IL17REL: variants seen among roughly 807,000 people sequenced by gnomAD.
The protein encoded by IL17REL is interleukin-17 receptor E-like protein.
IL17REL carries 36 observed loss-of-function variants against 49.0 expected under a neutral mutation model. The ratio of observed to expected loss-of-function variants is 0.73; its 90% CI spans 0.56 to 0.97. IL17REL has a LOEUF of 0.97. IL17REL is among the 50% of genes least tolerant of loss of function. The probability of loss-of-function intolerance (pLI) is 0.00; values close to 1 mark genes in which losing one functional copy is unlikely to be tolerated. For missense variants in IL17REL, 470 were observed against 453.9 expected (o/e 1.04, Z -0.32); for synonymous variants, 206 against 192.4 (o/e 1.07, Z -0.58).
chr22:50,006,720 G>C (rs543551827), intron 1 of IL17REL, among the ~76,000 whole-genome samples: 1 of 152,060 alleles, frequency 6.6e-6, no homozygotes, highest in African/African-American at 2.4e-5. Flanking sequence ...TTGGGAGGCC[G>C]AGGCGGGCGG....
chr22:50,000,017 G>A (rs1320396277), intron 4 of IL17REL, 50 bp from the exon 7 acceptor site: 2 of 1,426,652 alleles, frequency 1.4e-6, no homozygotes, highest in South Asian at 2.9e-5. Flanking sequence ...GGTCACCGAC[G>A]CGGGGCTCTG....
chr22:50,008,115 A>T (rs2061119656), intron 1 of IL17REL, among the ~76,000 whole-genome samples: 2 of 152,108 alleles, frequency 1.3e-5, no homozygotes, highest in South Asian at 4.1e-4. Context: ...AAAATAAGAA[A>T]AAAAACCCCA....
At chr22:50,011,241 C>A (rs1415942842), upstream of IL17REL, among the ~76,000 whole-genome samples, 1 of 150,958 alleles carries the variant, frequency 6.6e-6, no homozygotes, top group Non-Finnish European at 1.5e-5. Context: ...CCTCTCCTCT[C>A]CCCTCCAGCA....
intron 11 of IL17REL, 105 bp downstream of exon 13, chr22:49,997,215 T>C: frequency 2.1e-6 from 3 of 1,412,298 alleles, no homozygotes; most frequent in Non-Finnish European, 2.9e-6. Flanking sequence ...AGACCCTGGG[T>C]GGGCTCAGGG....
In IL17REL at chr22:49,999,508, A is replaced by T; in HGVS notation, c.475-6T>A. 1.5e-5 allele frequency: 22 copies of T among 1,425,856 alleles called. No homozygotes were observed. The highest frequency in any genetic ancestry group is 2.0e-5 in the Non-Finnish European group (21 of 1,065,126). The allele number at this position is 1,425,856 out of a possible 1,614,324, so 88.3% of individuals were successfully genotyped here. ...GAGACGCTGTTGGCGGTCACCTGCA[A>T]CCCAGAAAGGGCGGCTGAGGGGCCG... On this transcript the variant is annotated splice_region_variant and splice_polypyrimidine_tract_variant and intron_variant, in intron 5 of 12. Coordinates refer to ENST00000341280, the Ensembl canonical transcript of IL17REL.
downstream of IL17REL, among the ~76,000 whole-genome samples, chr22:49,992,756 T>C (rs2061012447): frequency 6.6e-6 from 1 of 152,224 alleles, no homozygotes; most frequent in Non-Finnish European, 1.5e-5. Flanking sequence ...TAGCTGGGAT[T>C]ACAGGTGCCC....
At chr22:49,999,175 G>A (rs1050893708) in intron 7 of IL17REL, 116 bp downstream of exon 9, 1 of 1,270,942 alleles carries the variant, frequency 7.9e-7, no homozygotes, top group African/African-American at 1.5e-5. Context: ...AGCAGGCTCA[G>A]GGATTTAGGC....
At chr22:49,994,862 GC>G (rs1246843663) in exon 13 of IL17REL, 1 of 152,416 alleles carries the variant, frequency 6.6e-6, no homozygotes, top group Non-Finnish European at 1.5e-5. Flanking sequence ...CACTGCACAG[GC>G]CACTGCTGGG....
chr22:49,999,715 G>T (rs2061063974), intron 5 of IL17REL, 113 bp downstream of exon 7: 1 of 622,368 alleles, frequency 1.6e-6, no homozygotes, highest in Non-Finnish European at 2.1e-6. Context: ...CGGGGGCGGG[G>T]CGCGGGGGGT....
upstream of IL17REL, among the ~76,000 whole-genome samples, chr22:50,009,325 C>T (rs2061126188): frequency 6.6e-6 from 1 of 152,094 alleles, no homozygotes; most frequent in Non-Finnish European, 1.5e-5. Context: ...CAAGGGCACT[C>T]AAAGAGGGGC....
chr22:49,996,926 G>T (rs184103308), intron 12 of IL17REL, 66 bp from the exon 15 acceptor site: 6 of 756,446 alleles, frequency 7.9e-6, no homozygotes, highest in Non-Finnish European at 1.1e-5. Flanking sequence ...GGATGGGAAG[G>T]GGGGGTGTGA....
intron 1 of IL17REL, among the ~76,000 whole-genome samples, chr22:50,003,623 TATC>T (rs1353777972): frequency 4.0e-5 from 6 of 151,624 alleles, no homozygotes; most frequent in South Asian, 2.1e-4. Context: ...AAAAACCACT[TATC>T]ATCTCAATAG....
chr22:49,992,882 G>T (rs1288707369), downstream of IL17REL, among the ~76,000 whole-genome samples: 2 of 152,212 alleles, frequency 1.3e-5, no homozygotes, highest in African/African-American at 4.8e-5. Context: ...CTCCCAAAGT[G>T]CTGGGATTAC....
chr22:50,006,002 A>C (rs1481660353), intron 1 of IL17REL, among the ~76,000 whole-genome samples: 1 of 151,994 alleles, frequency 6.6e-6, no homozygotes, highest in Non-Finnish European at 1.5e-5. Context: ...GAAAATAATC[A>C]GGATGGGGGT....
intron 1 of IL17REL, among the ~76,000 whole-genome samples, chr22:50,005,020 C>T (rs137853): frequency 0.54 from 80,357 of 147,624 alleles, 22,187 homozygotes; most frequent in South Asian, 0.76. Context: ...GAAGGACTCA[C>T]GGTGAGCAAG....
At chr22:50,000,347 G>T in intron 4 of IL17REL, 107 bp from the exon 6 acceptor site, 1 of 730,172 alleles carries the variant, frequency 1.4e-6, no homozygotes, top group Non-Finnish European at 2.3e-6. Context: ...ATGCGACCTC[G>T]AATTAAGCCA....
At chr22:50,001,919 G>A (rs960657930) in intron 1 of IL17REL, among the ~76,000 whole-genome samples, 3 of 152,256 alleles carry the variant, frequency 2.0e-5, no homozygotes, top group East Asian at 1.9e-4. Context: ...CCACCGAGGC[G>A]TGGGACCCAC....
At chr22:49,997,727 C>T in exon 10 of IL17REL, 1 of 1,613,934 alleles carries the variant, frequency 6.2e-7, no homozygotes, top group Non-Finnish European at 8.5e-7. Flanking sequence ...ACCCAGGACC[C>T]CCAACTGGTA....
At chr22:50,006,724 C>T (rs1266841772) in intron 1 of IL17REL, among the ~76,000 whole-genome samples, 4 of 151,988 alleles carry the variant, frequency 2.6e-5, no homozygotes, top group African/African-American at 7.2e-5. Context: ...GAGGCCGAGG[C>T]GGGCGGATCA....
Sources: gnomAD v4.1 joint callset for allele counts (sites outside exome capture counted in the v4.1 genomes callset) on GRCh38, gnomAD v4.1.1 for gene constraint, MANE v1.5 for transcripts, NCBI Gene and HGNC (gene_info 2026-07-23, HGNC 2026-07-21) for gene names.